The following ROBO1 variants were observed in gnomAD, a reference collection of about 807,000 sequenced individuals.
The protein encoded by ROBO1 is roundabout guidance receptor 1, also known as roundabout homolog 1.
Under a neutral mutation model 195.9 loss-of-function variants are expected in ROBO1, and 149 were observed. The ratio of observed to expected loss-of-function variants is 0.76; its 90% CI spans 0.67 to 0.87. The LOEUF is 0.87. ROBO1 is among the 40% of genes least tolerant of loss of function. The pLI, the probability that ROBO1 is intolerant of heterozygous loss-of-function variation, is 0.00. For synonymous variants in ROBO1, 816 were observed against 733.2 expected (o/e 1.11, Z -1.82); for missense variants, 1,933 against 2,068.3 (o/e 0.93, Z 1.27).
chr3:79,311,477 T>A (rs1056221298), intron 2 of ROBO1, among the ~76,000 whole-genome samples: 4 of 152,208 alleles, frequency 2.6e-5, no homozygotes, highest in Admixed American at 6.5e-5. Context: ...TTCCACTAAA[T>A]GAAATTAAGT....
intron 4 of ROBO1, among the ~76,000 whole-genome samples, chr3:78,807,326 C>G (rs1228033268): frequency 6.6e-6 from 1 of 151,922 alleles, no homozygotes; most frequent in Non-Finnish European, 1.5e-5. Flanking sequence ...AACATTTTCC[C>G]TATCTTTGGA....
intron 4 of ROBO1, among the ~76,000 whole-genome samples, chr3:78,758,587 T>C (rs2083006415): frequency 6.6e-6 from 1 of 150,382 alleles, no homozygotes; most frequent in Non-Finnish European, 1.5e-5. Flanking sequence ...AGAAAAAATA[T>C]TGAACATGGC....
intron 20 of ROBO1, among the ~76,000 whole-genome samples, chr3:78,646,415 G>T (rs1178134078): frequency 6.7e-6 from 1 of 150,012 alleles, no homozygotes; most frequent in African/African-American, 2.4e-5. Context: ...TATATAATTA[G>T]ATATCTATAT....
intron 2 of ROBO1, among the ~76,000 whole-genome samples, chr3:79,255,384 A>G (rs1346301434): frequency 6.6e-6 from 1 of 152,054 alleles, no homozygotes; most frequent in East Asian, 1.9e-4. Context: ...AAAAACAAAA[A>G]ACATAAGTTT....
intron 4 of ROBO1, among the ~76,000 whole-genome samples, chr3:78,863,699 C>T (rs1009621185): frequency 3.3e-5 from 5 of 152,184 alleles, no homozygotes; most frequent in Non-Finnish European, 7.3e-5. Flanking sequence ...TAAATTTCAG[C>T]TGCTTTTAGT....
chr3:78,939,617 CA>C (rs970037876), intron 3 of ROBO1, among the ~76,000 whole-genome samples: 23 of 117,558 alleles, frequency 2.0e-4, no homozygotes, highest in Non-Finnish European at 1.9e-4. Flanking sequence ...GACTCTGCCT[CA>C]AAAAAAAAAG....
At chr3:78,761,034 GTAGAT>G (rs1414552053) in intron 4 of ROBO1, among the ~76,000 whole-genome samples, 1 of 151,976 alleles carries the variant, frequency 6.6e-6, no homozygotes, top group Non-Finnish European at 1.5e-5. Context: ...CTAAGGCCCA[GTAGAT>G]TAAAGTACAA....
intron 2 of ROBO1, among the ~76,000 whole-genome samples, chr3:79,315,937 TAGAGTTGTGAA>T (rs1441558132): frequency 1.3e-5 from 2 of 152,150 alleles, no homozygotes; most frequent in Non-Finnish European, 2.9e-5. Context: ...AAGTCCGAGA[TAGAGTTGTGAA>T]AGAGTTGGAG....
chr3:78,711,398 CCTTTCTTTCTTTCTTT>C (rs1235633066), intron 8 of ROBO1, among the ~76,000 whole-genome samples: 6 of 39,884 alleles, frequency 1.5e-4, no homozygotes, highest in East Asian at 5.5e-4. Context: ...TTCCTTCCTT[CCTTTCTTTCTTTCTTT>C]CTTTCTTTCT....
chr3:78,610,069 G>T (rs930204409), intron 28 of ROBO1, among the ~76,000 whole-genome samples: 3 of 152,070 alleles, frequency 2.0e-5, no homozygotes, highest in Non-Finnish European at 2.9e-5. Context: ...TTTGTTAGTG[G>T]TTTTCATGGC....
At position 78,617,692 on chromosome 3, in the gene ROBO1, C is replaced by T. The variant is rs1293745851; in HGVS notation, c.4225G>A (p.Ala1409Thr). The T allele has an allele frequency of 1.2e-6, 2 of 1,613,954 alleles. No homozygotes were observed. Among genetic ancestry groups the T allele is most frequent in the Non-Finnish European group, 1.7e-6 (2 of 1,179,862 alleles). Residue 1409 changes from alanine to threonine, a missense_variant, in exon 27 of 31, where the codon GCA becomes ACA. This residue lies in a region of ROBO1 where 1,737 missense variants were observed against 1,882.5 expected (regional missense o/e 0.92). Coordinates refer to ENST00000464233, the MANE Select transcript of ROBO1 (RefSeq NM_002941.4). ...TDADFAQAVA[A>T]AAEYAGLKVA... ...TTCAGACCAGCATACTCTGCCGCTG[C>T]TGCGACTGCCTGGGCAAAGTCAGCA... is the stretch of plus-strand genomic sequence containing the variant.
chr3:78,695,516 T>C (rs2107890509), intron 8 of ROBO1, among the ~76,000 whole-genome samples: 1 of 151,324 alleles, frequency 6.6e-6, no homozygotes, highest in East Asian at 2.0e-4. Flanking sequence ...TCCCAGCTAC[T>C]TGGGAGGCTG....
chr3:79,381,542 T>C (rs1314088899), intron 2 of ROBO1, among the ~76,000 whole-genome samples: 1 of 152,072 alleles, frequency 6.6e-6, no homozygotes, highest in Non-Finnish European at 1.5e-5. Context: ...CCCTGTAAAC[T>C]GTTGTAACTT....
chr3:78,906,502 G>C (rs1360712344), intron 4 of ROBO1, among the ~76,000 whole-genome samples: 2 of 152,064 alleles, frequency 1.3e-5, no homozygotes, highest in Non-Finnish European at 2.9e-5. Context: ...GAAAACTGAA[G>C]GGATCCTTAA....
intron 3 of ROBO1, among the ~76,000 whole-genome samples, chr3:79,025,187 C>T (rs926348619): frequency 4.6e-5 from 7 of 152,154 alleles, no homozygotes; most frequent in African/African-American, 1.4e-4. Context: ...ATGTGCTCTA[C>T]GTGGAGTACT....
intron 1 of ROBO1, among the ~76,000 whole-genome samples, chr3:79,689,233 T>C (rs1196415204): frequency 6.6e-6 from 1 of 152,022 alleles, no homozygotes; most frequent in East Asian, 1.9e-4. Flanking sequence ...TTTTAAGTAA[T>C]TTTAAAATTA....
chr3:79,370,886 T>C (rs1314385396), intron 2 of ROBO1, among the ~76,000 whole-genome samples: 1 of 151,930 alleles, frequency 6.6e-6, no homozygotes, highest in Non-Finnish European at 1.5e-5. Context: ...CCTCCCTGTG[T>C]CCATGTGTTG....
intron 4 of ROBO1, among the ~76,000 whole-genome samples, chr3:78,900,693 T>C (rs2037531765): frequency 6.6e-6 from 1 of 152,142 alleles, no homozygotes; most frequent in South Asian, 2.1e-4. Flanking sequence ...TGTTCAGCTA[T>C]GATTTTTGAA....
intron 3 of ROBO1, among the ~76,000 whole-genome samples, chr3:78,947,342 T>C (rs1382134622): frequency 6.6e-6 from 1 of 152,144 alleles, no homozygotes; most frequent in Non-Finnish European, 1.5e-5. Context: ...CACAGTGCAA[T>C]CAAACTAGAA....
Sources: gnomAD v4.1 joint callset for allele counts (sites outside exome capture counted in the v4.1 genomes callset) on GRCh38, gnomAD v4.1.1 for gene constraint, gnomAD v4.1.1 regional missense constraint, MANE v1.5 for transcripts, NCBI Gene and HGNC (gene_info 2026-07-23, HGNC 2026-07-21) for gene names.